UMAD1: variants seen among roughly 807,000 people sequenced by gnomAD.
UMAD1 encodes the protein UBAP1-MVB12-associated (UMA) domain containing 1.
A neutral mutation model predicts 6.1 loss-of-function variants in UMAD1; 8 were observed. The observed-to-expected ratio is 1.30, with a 90% CI of 0.76 to 2.35. The LOEUF (loss-of-function observed/expected upper bound fraction) is 2.35. Among genes scored for constraint, UMAD1 ranks in the 30% most tolerant of loss-of-function variants. UMAD1 has a pLI of 0.00. For missense variants in UMAD1, 130 were observed against 78.4 expected (o/e 1.66, Z -2.49); for synonymous variants, 56 against 31.4 (o/e 1.78, Z -2.61).
intron 3 of UMAD1, among the ~76,000 whole-genome samples, chr7:7,816,706 C>T (rs1041332333): frequency 8.5e-5 from 13 of 152,158 alleles, no homozygotes; most frequent in Admixed American, 7.9e-4. Flanking sequence ...TTGACTTCTT[C>T]CTCTTTCATT....
chr7:7,854,837 C>T (rs1164841495), intron 3 of UMAD1, among the ~76,000 whole-genome samples: 1 of 152,206 alleles, frequency 6.6e-6, no homozygotes, highest in East Asian at 1.9e-4. Context: ...CAAATCCCTT[C>T]TGCCTATGAG....
intron 1 of UMAD1, among the ~76,000 whole-genome samples, chr7:7,667,551 C>G (rs1779498145): frequency 6.6e-6 from 1 of 152,102 alleles, no homozygotes. Context: ...CACTGCTACA[C>G]CTACAGTTTT....
chr7:7,768,328 G>C (rs926293521), intron 2 of UMAD1, among the ~76,000 whole-genome samples: 1 of 151,970 alleles, frequency 6.6e-6, no homozygotes, highest in East Asian at 1.9e-4. Flanking sequence ...GTTTTGAGAG[G>C]GATTTCCTCA....
Position 7,756,770 on chromosome 7 carries a change from C to T in UMAD1, c.83-44900C>T, listed in dbSNP as rs983360745. Among the ~76,000 whole-genome samples, 12 of 152,362 alleles carry T rather than the reference C, an allele frequency of 7.9e-5. 1 individual carries two copies. The East Asian group carries it at 2.1e-3, about 27-fold the overall frequency. On this transcript the variant is annotated intron_variant, in intron 2 of 3. Coordinates refer to ENST00000682710, the MANE Select transcript of UMAD1 (RefSeq NM_001302348.2). ...CCATGATCAAGAAAATATTCCCTTA[C>T]GTAATCTGCTAGACACTTATACTGT...
intron 3 of UMAD1, among the ~76,000 whole-genome samples, chr7:7,818,315 G>C (rs939723736): frequency 6.6e-6 from 1 of 152,112 alleles, no homozygotes; most frequent in Admixed American, 6.5e-5. Context: ...ATATGGTCTT[G>C]TTCTTTTTTA....
At chr7:7,776,182 CA>C (rs1782203538) in intron 2 of UMAD1, among the ~76,000 whole-genome samples, 1 of 152,108 alleles carries the variant, frequency 6.6e-6, no homozygotes, top group African/African-American at 2.4e-5. Context: ...CATATGGAAC[CA>C]GGCACAGTGG....
chr7:7,834,595 C>G (rs181754914), intron 3 of UMAD1, among the ~76,000 whole-genome samples: 1 of 147,042 alleles, frequency 6.8e-6, no homozygotes, highest in South Asian at 2.2e-4. Flanking sequence ...TTGCAGATGG[C>G]CACCTTCTTG....
At chr7:7,702,441 C>G (rs1235343857) in intron 2 of UMAD1, among the ~76,000 whole-genome samples, 1 of 151,930 alleles carries the variant, frequency 6.6e-6, no homozygotes, top group Admixed American at 6.6e-5. Flanking sequence ...TACGAAAATT[C>G]TGGTTGGGGA....
At chr7:7,769,711 G>A (rs1354458334) in intron 2 of UMAD1, among the ~76,000 whole-genome samples, 3 of 152,214 alleles carry the variant, frequency 2.0e-5, no homozygotes, top group Non-Finnish European at 2.9e-5. Context: ...GTCCTACGAC[G>A]GAGTCCTGAT....
intron 3 of UMAD1, among the ~76,000 whole-genome samples, chr7:7,872,093 A>C (rs1784342722): frequency 6.6e-6 from 1 of 151,944 alleles, no homozygotes; most frequent in Admixed American, 6.6e-5. Flanking sequence ...AAAAATAAAA[A>C]ATAAAAAATA....
At chr7:7,775,471 C>G (rs1231655244) in intron 2 of UMAD1, among the ~76,000 whole-genome samples, 2 of 152,140 alleles carry the variant, frequency 1.3e-5, no homozygotes, top group East Asian at 3.8e-4. Context: ...TCCTGCCACC[C>G]TTTGAAGAGG....
chr7:7,778,292 G>C (rs1018932015), intron 2 of UMAD1, among the ~76,000 whole-genome samples: 3 of 151,166 alleles, frequency 2.0e-5, no homozygotes, highest in African/African-American at 7.3e-5. Context: ...GAGAGAGAGA[G>C]AGAGACAGAG....
intron 2 of UMAD1, among the ~76,000 whole-genome samples, chr7:7,756,213 C>T (rs551883066): frequency 3.9e-5 from 6 of 152,146 alleles, no homozygotes; most frequent in African/African-American, 1.2e-4. Flanking sequence ...AAGTAACCAC[C>T]CCAGTTTGGA....
At chr7:7,837,194 C>G (rs1464377785) in intron 3 of UMAD1, among the ~76,000 whole-genome samples, 1 of 151,976 alleles carries the variant, frequency 6.6e-6, no homozygotes, top group Non-Finnish European at 1.5e-5. Flanking sequence ...ATAACTCAAT[C>G]TAGAAGTCCA....
chr7:7,824,098 G>A (rs1211783784), intron 3 of UMAD1, among the ~76,000 whole-genome samples: 1 of 151,822 alleles, frequency 6.6e-6, no homozygotes. Flanking sequence ...TTTCCCTCCC[G>A]CACCTCCCAC....
chr7:7,701,928 A>T (rs1416635759), intron 2 of UMAD1, among the ~76,000 whole-genome samples: 1 of 151,862 alleles, frequency 6.6e-6, no homozygotes, highest in East Asian at 1.9e-4. Context: ...CATCAGCTAT[A>T]CCTCCCTTTT....
intron 3 of UMAD1, among the ~76,000 whole-genome samples, chr7:7,845,035 C>T (rs570774484): frequency 5.9e-5 from 9 of 152,162 alleles, no homozygotes; most frequent in Non-Finnish European, 1.0e-4. Context: ...TAGGGCTGCA[C>T]TGTCCAATAT....
At position 7,878,929 on chromosome 7, in the gene UMAD1, G is replaced by C. The variant is rs1232080594; in HGVS notation, c.*1391G>C. Reference sequence around the variant, plus strand: ...TTTACATAGTTCTTACAAAGCATCAGTCTAGGAAATATGACTTATTACTGA... The same window carrying C: ...TTTACATAGTTCTTACAAAGCATCACTCTAGGAAATATGACTTATTACTGA... On this transcript the variant is annotated 3_prime_UTR_variant, in exon 4 of 4. Coordinates refer to ENST00000682710, the MANE Select transcript of UMAD1 (RefSeq NM_001302348.2). 6.6e-6 allele frequency: 1 copy of C among 152,148 alleles called. No homozygotes were observed. The highest frequency in any genetic ancestry group is 2.4e-5 in the African/African-American group (1 of 41,442). The allele number at this position is 152,148 out of a possible 1,614,324, so 9.4% of individuals were successfully genotyped here.
intron 3 of UMAD1, among the ~76,000 whole-genome samples, chr7:7,804,844 G>A (rs1463500878): frequency 6.6e-6 from 1 of 151,810 alleles, no homozygotes; most frequent in African/African-American, 2.4e-5. Context: ...AGCTGGGCAC[G>A]GTGGCCTGCG....
Sources: allele counts gnomAD v4.1 joint callset (sites outside exome capture counted in the v4.1 genomes callset), GRCh38; gene constraint gnomAD v4.1.1; transcripts MANE v1.5; gene names NCBI Gene and HGNC (gene_info 2026-07-23, HGNC 2026-07-21).